RNF217: variants seen among roughly 807,000 people sequenced by gnomAD.
RNF217 encodes E3 ubiquitin-protein ligase RNF217.
RNF217 carries 31 observed loss-of-function variants against 57.8 expected under a neutral mutation model. The observed-to-expected ratio is 0.54, with a 90% CI of 0.40 to 0.72. RNF217 has a LOEUF of 0.72. Ranked by LOEUF, RNF217 falls within the 30% of genes least tolerant of loss-of-function variation. RNF217 has a pLI of 0.00. For synonymous variants in RNF217, 313 were observed against 294.0 expected, an observed-to-expected ratio of 1.06 and a Z score of -0.66; for missense variants, 696 against 708.3, an observed-to-expected ratio of 0.98 and a Z score of 0.20.
At chr6:125,027,764 C>A (rs1786170310) in intron 1 of RNF217, among the ~76,000 whole-genome samples, 1 of 152,146 alleles carries the variant, frequency 6.6e-6, no homozygotes, top group Non-Finnish European at 1.5e-5. Context: ...AATTTACATT[C>A]CCACCAAAAG....
At chr6:125,006,150 A>G (rs1785170867) in intron 1 of RNF217, 1 of 152,198 alleles carries the variant, frequency 6.6e-6, no homozygotes. Flanking sequence ...CTGTCAGTTA[A>G]AGTGTGAATG....
At chr6:125,052,320 G>T (rs1433133666) in intron 2 of RNF217, among the ~76,000 whole-genome samples, 5 of 141,308 alleles carry the variant, frequency 3.5e-5, no homozygotes, top group African/African-American at 1.5e-4. Context: ...GTGTGTGTGT[G>T]GTTTTATTTG....
At chr6:125,051,980 G>A (rs1381956233) in intron 2 of RNF217, among the ~76,000 whole-genome samples, 1 of 152,010 alleles carries the variant, frequency 6.6e-6, no homozygotes, top group Non-Finnish European at 1.5e-5. Context: ...TGGATTTACA[G>A]GAAGAGTCTG....
At chr6:125,031,894 A>G (rs896098671) in intron 1 of RNF217, among the ~76,000 whole-genome samples, 2 of 152,186 alleles carry the variant, frequency 1.3e-5, no homozygotes, top group Non-Finnish European at 2.9e-5. Context: ...TTTGACAAAG[A>G]CATACACAAG....
At chr6:125,060,557 G>C (rs1427921826) in intron 3 of RNF217, among the ~76,000 whole-genome samples, 1 of 152,062 alleles carries the variant, frequency 6.6e-6, no homozygotes, top group African/African-American at 2.4e-5. Flanking sequence ...CAATTCTCAT[G>C]CCTCAGCCTC....
At position 124,997,431 on chromosome 6, in the gene RNF217, T is replaced by C. The variant is rs192961422; in HGVS notation, c.882+34005T>C. ...TTACTTAACCATATGCGAAAGTGAC[T>C]GTAAATCACATAGACAGGTTCACAC... On this transcript the variant is annotated intron_variant, in intron 1 of 5. Coordinates refer to ENST00000521654, the MANE Select transcript of RNF217 (RefSeq NM_001286398.3). 5.4e-5 allele frequency among the ~76,000 whole-genome samples: 8 copies of C among 147,134 alleles called. No homozygotes were observed. The East Asian group carries it at 1.4e-3, about 26-fold the overall frequency.
intron 3 of RNF217, among the ~76,000 whole-genome samples, chr6:125,066,446 C>T (rs562997583): frequency 1.2e-4 from 18 of 152,234 alleles, no homozygotes; most frequent in Admixed American, 5.9e-4. Flanking sequence ...GGCTGTGCTT[C>T]GAAACTGCAG....
chr6:125,015,665 T>C (rs1433312401), intron 1 of RNF217, among the ~76,000 whole-genome samples: 1 of 152,036 alleles, frequency 6.6e-6, no homozygotes, highest in Non-Finnish European at 1.5e-5. Context: ...CTACATCCAG[T>C]ATATTTTCTC....
At chr6:125,037,490 T>G (rs982829199) in intron 1 of RNF217, among the ~76,000 whole-genome samples, 2 of 152,178 alleles carry the variant, frequency 1.3e-5, no homozygotes, top group African/African-American at 4.8e-5. Context: ...GTCAAGAGAT[T>G]TCTGGAATTT....
chr6:124,981,641 G>T (rs1321948856), intron 1 of RNF217, among the ~76,000 whole-genome samples: 5 of 152,176 alleles, frequency 3.3e-5, no homozygotes, highest in African/African-American at 1.2e-4. Flanking sequence ...CAGCTGAGCA[G>T]AGAGATGACT....
intron 1 of RNF217, chr6:125,006,253 A>C (rs554202277): frequency 6.6e-6 from 1 of 152,342 alleles, no homozygotes; most frequent in Admixed American, 6.5e-5. Context: ...TTTTGACTCG[A>C]GTTTCCAAAA....
Position 124,962,638 on chromosome 6 carries a change from A to T in RNF217, c.94A>T (p.Arg32Trp). 1 of 1,324,164 alleles carries T rather than the reference A, an allele frequency of 7.6e-7. No homozygotes were observed. Among genetic ancestry groups the T allele is most frequent in the Non-Finnish European group, 9.5e-7 (1 of 1,048,240 alleles). 82.0% of individuals were successfully genotyped at this position (1,324,164 alleles called of 1,614,324 possible). ...SGTAGHPEPPRPQGDSARAPP... is the reference protein window; with the variant it reads ...SGTAGHPEPPWPQGDSARAPP... ...CACTGCGGGCCACCCTGAGCCCCCG[A>T]GGCCTCAGGGGGACAGCGCCCGGGC... Residue 32 changes from arginine (R) to tryptophan (W), a missense_variant, in exon 1 of 6, where the codon AGG (arginine) becomes TGG (tryptophan). By Grantham distance (101) the Arg-to-Trp change is moderately radical. Coordinates refer to ENST00000521654, the MANE Select transcript of RNF217 (RefSeq NM_001286398.3). This position sits in a 1 kb window ranked among gnomAD's most constrained non-coding sequence, Gnocchi z 4.6.
intron 1 of RNF217, among the ~76,000 whole-genome samples, chr6:124,989,106 T>C (rs988084810): frequency 6.9e-6 from 1 of 145,918 alleles, no homozygotes; most frequent in Non-Finnish European, 1.5e-5. Flanking sequence ...TTGGTGCAGC[T>C]TCATTTTGCA....
intron 1 of RNF217, among the ~76,000 whole-genome samples, chr6:124,999,247 T>A (rs1227620633): frequency 6.6e-6 from 1 of 152,214 alleles, no homozygotes; most frequent in East Asian, 1.9e-4. Flanking sequence ...CCATTTTTAA[T>A]CTGCCCGTGT....
At chr6:125,027,133 G>T (rs934214766) in intron 1 of RNF217, among the ~76,000 whole-genome samples, 1 of 152,024 alleles carries the variant, frequency 6.6e-6, no homozygotes, top group East Asian at 1.9e-4. Flanking sequence ...ATCCCCTCAA[G>T]TATTTATCCT....
At chr6:124,995,785 G>A (rs1784725113) in intron 1 of RNF217, among the ~76,000 whole-genome samples, 1 of 152,010 alleles carries the variant, frequency 6.6e-6, no homozygotes, top group South Asian at 2.1e-4. Context: ...AGCTGGGCGT[G>A]GTGATGGACT....
At chr6:125,071,664 T>G (rs555831015) in intron 3 of RNF217, among the ~76,000 whole-genome samples, 12 of 152,166 alleles carry the variant, frequency 7.9e-5, no homozygotes, top group Non-Finnish European at 1.8e-4. Flanking sequence ...ATATCTAGCT[T>G]ATTCTGAACA....
At chr6:124,970,284 A>G (rs188775550) in intron 1 of RNF217, among the ~76,000 whole-genome samples, 1 of 152,352 alleles carries the variant, frequency 6.6e-6, no homozygotes, top group African/African-American at 2.4e-5. Context: ...TTAGAAGACT[A>G]TGGAATAAAT....
Position 125,085,279 on chromosome 6 carries a change from G to A in RNF217, c.*2342G>A, listed in dbSNP as rs1296290722. 1 of 151,728 alleles carries A rather than the reference G, an allele frequency of 6.6e-6. No homozygotes were observed. Among genetic ancestry groups the A allele is most frequent in the Non-Finnish European group, 1.5e-5 (1 of 67,806 alleles). The allele number at this position is 151,728 out of a possible 1,614,324, so 9.4% of individuals were successfully genotyped here. A position where few individuals can be genotyped will look rare whatever the true frequency, so the allele number is the denominator to read the frequency against. On this transcript the variant is annotated 3_prime_UTR_variant, in exon 6 of 6. Transcript: ENST00000521654. ...CAAAGTGGTGTCTGTTTTCAGTGAT[G>A]GCTATTTCATCAGTGCTTGAAATAG...
Sources: allele counts gnomAD v4.1 joint callset (sites outside exome capture counted in the v4.1 genomes callset), GRCh38; gene constraint gnomAD v4.1.1; non-coding constraint Gnocchi (gnomAD v3.1); transcripts MANE v1.5; gene names NCBI Gene and HGNC (gene_info 2026-07-23, HGNC 2026-07-21).